AMBRA1: variants seen among roughly 807,000 people sequenced by gnomAD.
AMBRA1 encodes activating molecule in BECN1-regulated autophagy protein 1.
Under a neutral mutation model 125.4 loss-of-function variants are expected in AMBRA1, and 47 were observed. That is an observed-to-expected ratio of 0.37 (90% CI 0.30 to 0.48). AMBRA1 has a LOEUF of 0.48. Among genes scored for constraint, AMBRA1 ranks in the 20% least tolerant of loss-of-function variants. The pLI is 0.99. For synonymous variants in AMBRA1, 626 were observed against 655.5 expected (o/e 0.95, Z 0.69); for missense variants, 1,331 against 1,693.4 (o/e 0.79, Z 3.76).
At chr11:46,405,461 G>A (rs1380568434) in intron 17 of AMBRA1, among the ~76,000 whole-genome samples, 2 of 152,194 alleles carry the variant, frequency 1.3e-5, no homozygotes, top group African/African-American at 2.4e-5. Flanking sequence ...CTTCATGCCT[G>A]TAATTCCAGC....
intron 8 of AMBRA1, among the ~76,000 whole-genome samples, chr11:46,510,944 T>A (rs1284014406): frequency 6.6e-6 from 1 of 152,204 alleles, no homozygotes; most frequent in Non-Finnish European, 1.5e-5. Context: ...AATGTTTAAA[T>A]AAATCCTTAA....
intron 11 of AMBRA1, among the ~76,000 whole-genome samples, chr11:46,450,113 T>C (rs1404565051): frequency 6.6e-6 from 1 of 151,690 alleles, no homozygotes; most frequent in Admixed American, 6.6e-5. Flanking sequence ...TGGATATTTA[T>C]AGCAGCTTTA....
At chr11:46,466,273 G>T (rs1949318433) in intron 11 of AMBRA1, among the ~76,000 whole-genome samples, 1 of 152,074 alleles carries the variant, frequency 6.6e-6, no homozygotes, top group Non-Finnish European at 1.5e-5. Flanking sequence ...CTTGAACCCA[G>T]GAGGCGGAGG....
chr11:46,436,292 A>T (rs1947713708), intron 12 of AMBRA1, among the ~76,000 whole-genome samples: 1 of 152,222 alleles, frequency 6.6e-6, no homozygotes, highest in African/African-American at 2.4e-5. Context: ...TCTGATACTT[A>T]AGAGTGATTT....
chr11:46,428,766 G>A lies in AMBRA1; in HGVS notation c.2976+4708C>T, dbSNP rs970708061. Reference sequence around the variant, plus strand: ...TCGGCACCAGGTGGCACAGCACTCCGTCTGTAGGTATCTCTGTCAGCTTCC... The same window carrying A: ...TCGGCACCAGGTGGCACAGCACTCCATCTGTAGGTATCTCTGTCAGCTTCC... On this transcript the variant is annotated intron_variant, in intron 14 of 17. Transcript: ENST00000683756. The A allele has an allele frequency of 1.2e-5, 20 of 1,610,732 alleles. No homozygotes were observed. The African/African-American group carries it at 1.6e-4, about 13-fold the overall frequency.
chr11:46,591,919 A>G lies in AMBRA1; in HGVS notation c.-121+1909T>C, dbSNP rs539230286. Among the ~76,000 whole-genome samples the G allele has an allele frequency of 1.6e-4, 24 of 149,108 alleles. 1 individual carries two copies. Among genetic ancestry groups the G allele is most frequent in the Middle Eastern group, 3.6e-3 (1 of 278 alleles). On this transcript the variant is annotated intron_variant, in intron 1 of 17. Coordinates refer to ENST00000683756, the MANE Select transcript of AMBRA1 (RefSeq NM_001387011.1). ...TCTACATACTTTGGAAACTTATCCA[A>G]CCCAGAATGACCTCAAGACTGATTT... is the stretch of plus-strand genomic sequence containing the variant.
intron 7 of AMBRA1, among the ~76,000 whole-genome samples, chr11:46,541,036 C>T (rs115877937): frequency 7.2e-5 from 11 of 152,340 alleles, no homozygotes; most frequent in African/African-American, 2.6e-4. Flanking sequence ...ATTTCAGTTG[C>T]TTCGACAGAG....
At chr11:46,485,233 C>T (rs145136709) in intron 11 of AMBRA1, among the ~76,000 whole-genome samples, 258 of 152,298 alleles carry the variant, frequency 1.7e-3, no homozygotes, top group African/African-American at 5.2e-3. Context: ...CCCCTATGCC[C>T]GGCCTCAAGA....
intron 14 of AMBRA1, among the ~76,000 whole-genome samples, chr11:46,433,196 C>T (rs183699425): frequency 1.5e-3 from 226 of 152,240 alleles, no homozygotes; most frequent in African/African-American, 5.2e-3. Context: ...AAAAGTTTCA[C>T]GTAGAAGTAA....
rs769758770 is a variant in AMBRA1 at position 46,493,727 on chromosome 11, T to A, written c.2421-19A>T. Reference sequence around the variant, plus strand: ...GAAACGCCTACAAGAAGGAATCACATGTGAAAAGCTGACTAAAGACTACCA... The same window carrying A: ...GAAACGCCTACAAGAAGGAATCACAAGTGAAAAGCTGACTAAAGACTACCA... On this transcript the variant is annotated intron_variant, in intron 10 of 17. Coordinates refer to ENST00000683756, the MANE Select transcript of AMBRA1 (RefSeq NM_001387011.1). The A allele has an allele frequency of 1.4e-5, 22 of 1,569,624 alleles. No homozygotes were observed. Among genetic ancestry groups the A allele is most frequent in the Non-Finnish European group, 1.9e-5 (22 of 1,163,048 alleles).
intron 7 of AMBRA1, among the ~76,000 whole-genome samples, chr11:46,538,794 AC>A (rs1952605969): frequency 6.6e-6 from 1 of 152,134 alleles, no homozygotes; most frequent in African/African-American, 2.4e-5. Context: ...CACTGCACCT[AC>A]CCAGTAGTTT....
chr11:46,592,686 A>G (rs979172374), intron 1 of AMBRA1, among the ~76,000 whole-genome samples: 1 of 151,670 alleles, frequency 6.6e-6, no homozygotes, highest in Non-Finnish European at 1.5e-5. Context: ...TGAACCCGGG[A>G]GGCAGAGGTT....
At chr11:46,517,516 T>G (rs1250248822) in intron 7 of AMBRA1, among the ~76,000 whole-genome samples, 1 of 131,692 alleles carries the variant, frequency 7.6e-6, no homozygotes, top group Non-Finnish European at 1.6e-5. Flanking sequence ...AGGCCACTGC[T>G]CTATCAAACT....
intron 14 of AMBRA1, among the ~76,000 whole-genome samples, chr11:46,429,773 T>C (rs1276531749): frequency 6.6e-6 from 1 of 152,118 alleles, no homozygotes; most frequent in Non-Finnish European, 1.5e-5. Context: ...TGGTTCCAAT[T>C]AGAAAATGAA....
At chr11:46,470,538 G>A (rs1009999694) in intron 11 of AMBRA1, among the ~76,000 whole-genome samples, 2 of 145,456 alleles carry the variant, frequency 1.4e-5, no homozygotes, top group East Asian at 2.0e-4. Flanking sequence ...GCAGTGAGCC[G>A]AGATGGCGCC....
chr11:46,534,569 T>C (rs1952376750), intron 7 of AMBRA1, among the ~76,000 whole-genome samples: 1 of 152,206 alleles, frequency 6.6e-6, no homozygotes, highest in Admixed American at 6.5e-5. Context: ...AATGAGTGAA[T>C]GGATGGATGC....
chr11:46,509,246 T>C (rs1056577305), intron 8 of AMBRA1, among the ~76,000 whole-genome samples: 11 of 152,210 alleles, frequency 7.2e-5, no homozygotes, highest in African/African-American at 2.7e-4. Context: ...TGAAAACTCC[T>C]AGTGTTATAT....
At chr11:46,407,919 A>G (rs1408193327) in intron 17 of AMBRA1, among the ~76,000 whole-genome samples, 4 of 152,196 alleles carry the variant, frequency 2.6e-5, no homozygotes, top group African/African-American at 9.7e-5. Flanking sequence ...ACGGACTCCT[A>G]AGTGGCTCGA....
intron 1 of AMBRA1, among the ~76,000 whole-genome samples, chr11:46,585,213 C>A (rs994010470): frequency 6.6e-6 from 1 of 152,056 alleles, no homozygotes; most frequent in Non-Finnish European, 1.5e-5. Flanking sequence ...ACAAACACTG[C>A]GGAAGGCCGC....
Sources: allele counts gnomAD v4.1 joint callset (sites outside exome capture counted in the v4.1 genomes callset), GRCh38; gene constraint gnomAD v4.1.1; transcripts MANE v1.5; gene names NCBI Gene and HGNC (gene_info 2026-07-23, HGNC 2026-07-21).